SRCAP: variants seen among roughly 807,000 people sequenced by gnomAD.
The protein encoded by SRCAP is chromatin remodeling protein SRCAP.
A neutral mutation model predicts 263.1 loss-of-function variants in SRCAP; 46 were observed. The ratio of observed to expected loss-of-function variants is 0.17; its 90% CI spans 0.14 to 0.22. SRCAP has a LOEUF of 0.22. Ranked by LOEUF, SRCAP falls within the 10% of genes least tolerant of loss-of-function variation. SRCAP has a pLI of 1.00. For synonymous variants in SRCAP, 1,813 were observed against 1,662.1 expected (o/e 1.09, Z -2.21); for missense variants, 3,695 against 4,181.9 (o/e 0.88, Z 3.21).
rs771399339 is a variant in SRCAP at position 30,721,465 on chromosome 16, C to T, written c.3530C>T (p.Ala1177Val). 1 of 1,609,566 alleles carries T rather than the reference C, an allele frequency of 6.2e-7. No homozygotes were observed. The highest frequency in any genetic ancestry group is 8.5e-7 in the Non-Finnish European group (1 of 1,179,884). Residue 1177 changes from alanine (A) to valine (V), a missense_variant, in exon 21 of 34, where the codon GCT (alanine) becomes GTT (valine). Ala to Val is a moderately conservative substitution (Grantham distance 64). Around this residue, in one of 12 missense-constraint regions of SRCAP, gnomAD observed 1,347 missense variants for 1,304.4 expected, o/e 1.03. Transcript: ENST00000262518. ...QRLILSPDMQ[A>V]RLPSGEVVSI... is the part of the protein sequence containing the mutation. Reference sequence around the variant, plus strand: ...CTCATTCTATCTCCCGATATGCAGGCTCGCCTGCCCTGTAAGTTCCCAGGG... The same window carrying T: ...CTCATTCTATCTCCCGATATGCAGGTTCGCCTGCCCTGTAAGTTCCCAGGG...
intron 6 of SRCAP, 145 bp from the exon 7 acceptor site, chr16:30,709,368 A>G (rs2052863663): frequency 5.2e-6 from 4 of 770,064 alleles, no homozygotes; most frequent in Admixed American, 4.8e-5. Context: ...CCTTTAGACC[A>G]TAGTGAGCCC....
chr16:30,728,191 C>T (rs1412231626), intron 25 of SRCAP, among the ~76,000 whole-genome samples: 2 of 152,150 alleles, frequency 1.3e-5, no homozygotes, highest in Admixed American at 1.3e-4. Flanking sequence ...CTCATTTGTT[C>T]ATTTTGTTAA....
At position 30,733,647 on chromosome 16, in the gene SRCAP, A is replaced by G; in HGVS notation, c.6343A>G (p.Ile2115Val). 6.2e-7 allele frequency: 1 copy of G among 1,613,958 alleles called. No homozygotes were observed. The highest frequency in any genetic ancestry group is 1.1e-5 in the South Asian group (1 of 91,072). The change falls in exon 29 of 34, where the codon ATC becomes GTC. Residue 2115 changes from isoleucine to valine, a missense_variant. Physicochemically the swap from Ile to Val is conservative, Grantham distance 29. Coordinates refer to ENST00000262518, the MANE Select transcript of SRCAP (RefSeq NM_006662.3). This position sits in a 1 kb window ranked among gnomAD's most constrained non-coding sequence, Gnocchi z 5.3. ...FNADKRIFCF[I>V]LSTRSGGVGV... The stretch of plus-strand genomic sequence containing the variant: ...TGCAGACAAACGCATATTCTGCTTC[A>G]TCCTTTCAACTCGGAGTGGGGGTGT...
rs1027585947 is a variant in SRCAP, at chr16:30,710,766, C to T, written c.1147C>T (p.Pro383Ser). 2 of 1,614,196 alleles carry T rather than the reference C, an allele frequency of 1.2e-6. No homozygotes were observed. The highest frequency in any genetic ancestry group is 8.5e-7 in the Non-Finnish European group (1 of 1,180,024). The part of the protein sequence containing the change: ...PPQVLEIKPP[P>S]SAVTQRNKQP... Reference sequence around the variant, plus strand: ...TTTTGCCATACAGATAAAGCCCCCACCCTCTGCTGTCACACAGCGCAACAA... The same window carrying T: ...TTTTGCCATACAGATAAAGCCCCCATCCTCTGCTGTCACACAGCGCAACAA... Residue 383 changes from proline (P) to serine (S), a missense_variant, in exon 9 of 34, where the codon CCC becomes TCC. Pro to Ser is a moderately conservative substitution (Grantham distance 74). Transcript: ENST00000262518.
At chr16:30,710,877 C>T in intron 9 of SRCAP, 30 bp downstream of exon 9, 2 of 1,610,528 alleles carry the variant, frequency 1.2e-6, no homozygotes, top group South Asian at 1.1e-5. Flanking sequence ...TCCTATTGCC[C>T]CTTACCCCTT....
In SRCAP at chr16:30,739,591, A is replaced by G. The variant is rs900422075; in HGVS notation, c.9551A>G (p.Asp3184Gly). ...GCCTCAGGTGAGGAGGAGGAAGGGG[A>G]TGGGACCCCACGCCGACGTCCTGGC... The part of the protein sequence containing the change: ...AEASGEEEEG[D>G]GTPRRRPGPR... Residue 3184 changes from aspartate to glycine, a missense_variant, in exon 34 of 34, where the codon GAT becomes GGT. Transcript: ENST00000262518. 6.2e-6 allele frequency: 10 copies of G among 1,601,280 alleles called. No individual in the cohort carries two copies. The highest frequency in any genetic ancestry group is 8.5e-6 in the Non-Finnish European group (10 of 1,174,610).
chr16:30,737,001 C>G (rs2053166727), intron 33 of SRCAP, 48 bp from the exon 34 acceptor site: 1 of 1,530,294 alleles, frequency 6.5e-7, no homozygotes, highest in Non-Finnish European at 8.8e-7. Flanking sequence ...TACTCACTCT[C>G]TACTCTGCTT....
Position 30,703,149 on chromosome 16 carries a change from CTA to C in SRCAP, c.55-897_55-896del, listed in dbSNP as rs368190667. On this transcript the variant is annotated intron_variant, in intron 3 of 33. Coordinates refer to ENST00000262518, the MANE Select transcript of SRCAP (RefSeq NM_006662.3). ...AACGATCAGAATTTGAAATCATATG[CTA>C]TATATATATATATATATGTATGTAT... is the stretch of plus-strand genomic sequence containing the variant. Among the ~76,000 whole-genome samples the C allele has an allele frequency of 1.1e-3, 163 of 143,082 alleles. 1 individual carries two copies. The highest frequency in any genetic ancestry group is 1.9e-3 in the Admixed American group (27 of 14,270). 93.9% of individuals were successfully genotyped at this position (143,082 alleles called of 152,430 possible). A position where few individuals can be genotyped will look rare whatever the true frequency, so the allele number is the denominator to read the frequency against.
At position 30,722,135 on chromosome 16, in the gene SRCAP, C is replaced by T. The variant is rs1318704581; in HGVS notation, c.3555C>T (p.Val1185=). Residue 1185 remains valine, a synonymous_variant, in exon 22 of 34, where the codon GTC becomes GTT. Coordinates refer to ENST00000262518, the MANE Select transcript of SRCAP (RefSeq NM_006662.3). ...MQARLPSGEV[V]SIGQLASLAQ... ...CTCTGTTTTTAGCAGGCGAAGTGGT[C>T]AGCATCGGGCAGTTAGCCTCACTGG... 1 of 1,613,800 alleles carries T rather than the reference C, an allele frequency of 6.2e-7. No homozygotes were observed. Among genetic ancestry groups the T allele is most frequent in the East Asian group, 2.2e-5 (1 of 44,874 alleles).
chr16:30,737,438 A>C lies in SRCAP; in HGVS notation c.7398A>C (p.Val2466=), dbSNP rs745829187. 6.3e-7 allele frequency: 1 copy of C among 1,595,604 alleles called. No homozygotes were observed. Among genetic ancestry groups the C allele is most frequent in the African/African-American group, 1.4e-5 (1 of 73,988 alleles). ...TTCCTGTCCCAGTTTCTGCCCCAGT[A>C]CCCATTTCAGCCCCAAATCCAATAA... ...ALVPVPVSAP[V]PISAPNPITI... is the part of the protein sequence containing the mutation. The change falls in exon 34 of 34, where the codon GTA becomes GTC. Residue 2466 remains valine (V), a synonymous_variant. Transcript: ENST00000262518.
Position 30,736,584 on chromosome 16 carries a change from C to T in SRCAP, c.6968C>T (p.Ser2323Leu). Residue 2323 changes from serine (S) to leucine (L), a missense_variant, in exon 33 of 34, where the codon TCA (serine) becomes TTA (leucine). Ser to Leu is a moderately radical substitution (Grantham distance 145, BLOSUM62 -2). Coordinates refer to ENST00000262518, the MANE Select transcript of SRCAP (RefSeq NM_006662.3). ...TATGCCATGAAATTCCTGGAGGCCT[C>T]ACTGGAGGAGGTGAGCCGAGAGGAG... ...ERYAMKFLEA[S>L]LEEVSREELK... is the part of the protein sequence containing the mutation. The T allele has an allele frequency of 6.2e-7, 1 of 1,614,212 alleles. No individual in the cohort carries two copies.
intron 18 of SRCAP, 85 bp from the exon 19 acceptor site, chr16:30,720,077 A>G: frequency 1.4e-6 from 2 of 1,455,800 alleles, no homozygotes; most frequent in East Asian, 4.6e-5. Flanking sequence ...TAATTCACTT[A>G]AGGATAATGG....
At chr16:30,710,913 T>C in intron 9 of SRCAP, 66 bp downstream of exon 9, 2 of 1,599,914 alleles carry the variant, frequency 1.3e-6, no homozygotes, top group East Asian at 4.5e-5. Context: ...ACCTAACCTT[T>C]CAGGCTTTCT....
intron 13 of SRCAP, 51 bp from the exon 14 acceptor site, chr16:30,712,626 CAG>C: frequency 6.2e-7 from 1 of 1,611,362 alleles, no homozygotes; most frequent in African/African-American, 1.3e-5. Context: ...ACTGAGAAAT[CAG>C]AACCACAGAA....
intron 6 of SRCAP, among the ~76,000 whole-genome samples, chr16:30,709,266 T>TAA (rs766700062): frequency 2.1e-5 from 3 of 143,468 alleles, no homozygotes; most frequent in East Asian, 2.0e-4. Context: ...CTCATCTCTT[T>TAA]AAAAAAAAAA....
At chr16:30,709,163 T>C (rs2052859892) in intron 6 of SRCAP, among the ~76,000 whole-genome samples, 1 of 152,022 alleles carries the variant, frequency 6.6e-6, no homozygotes, top group African/African-American at 2.4e-5. Flanking sequence ...GGTGTGGTGA[T>C]GCATGCCTGT....
At chr16:30,715,851 GCTTCCTTATATCA>G (rs2052943433) in intron 16 of SRCAP, among the ~76,000 whole-genome samples, 2 of 152,104 alleles carry the variant, frequency 1.3e-5, no homozygotes, top group African/African-American at 4.8e-5. Flanking sequence ...TGCCCACAGT[GCTTCCTTATATCA>G]CTTCCTGTGT....
In SRCAP at chr16:30,738,332, G is replaced by A. The variant is rs549884023; in HGVS notation, c.8292G>A (p.Val2764=). The A allele has an allele frequency of 1.1e-5, 18 of 1,574,810 alleles. No individual in the cohort carries two copies. In the African/African-American group the frequency reaches 2.3e-4, roughly 20 times the overall value. The change falls in exon 34 of 34, where the codon GTG becomes GTA. Residue 2764 remains valine, a synonymous_variant. Coordinates refer to ENST00000262518, the MANE Select transcript of SRCAP (RefSeq NM_006662.3). ...LVTVVEEKEL[V]RRRRQQRGAA... is the part of the protein sequence containing the mutation. ...CTGTGGTAGAGGAAAAGGAACTGGT[G>A]CGGCGGCGGCGGCAGCAGCGGGGAG...
chr16:30,728,849 T>C, intron 25 of SRCAP, 117 bp from the exon 26 acceptor site: 2 of 1,207,868 alleles, frequency 1.7e-6, no homozygotes. Context: ...ACAAAAAGCA[T>C]AGTGTATTTT....
Sources: gnomAD v4.1 joint callset for allele counts (sites outside exome capture counted in the v4.1 genomes callset) on GRCh38, gnomAD v4.1.1 for gene constraint, gnomAD v4.1.1 regional missense constraint, Gnocchi (gnomAD v3.1) non-coding constraint, MANE v1.5 for transcripts, NCBI Gene and HGNC (gene_info 2026-07-23, HGNC 2026-07-21) for gene names.